Variants in ETS1 observed in about 807,000 individuals in gnomAD.
The protein encoded by ETS1 is ETS proto-oncogene 1, transcription factor, also known as protein C-ets-1.
ETS1 carries 15 observed loss-of-function variants against 58.6 expected under a neutral mutation model. That is an observed-to-expected ratio of 0.26 (90% CI 0.17 to 0.39). ETS1 has a LOEUF of 0.39. ETS1 is among the 10% of genes least tolerant of loss of function. The probability of loss-of-function intolerance (pLI) is 1.00; values close to 1 mark genes in which losing one functional copy is unlikely to be tolerated. For missense variants in ETS1, 417 were observed against 610.5 expected, an observed-to-expected ratio of 0.68 and a Z score of 3.34; for synonymous variants, 214 against 218.2, an observed-to-expected ratio of 0.98 and a Z score of 0.17.
chr11:128,538,654 G>C (rs1210681901), intron 3 of ETS1, among the ~76,000 whole-genome samples: 1 of 151,784 alleles, frequency 6.6e-6, no homozygotes, highest in Non-Finnish European at 1.5e-5. Flanking sequence ...ATTTAAACAG[G>C]GTAATGTATG....
chr11:128,572,262 A>T (rs150594422), intron 2 of ETS1: 2 of 151,544 alleles, frequency 1.3e-5, no homozygotes, highest in South Asian at 4.1e-4. Context: ...GACAGAAAAA[A>T]AAAAAAGAAA....
At chr11:128,525,145 G>A (rs770846690) in intron 3 of ETS1, among the ~76,000 whole-genome samples, 4 of 152,112 alleles carry the variant, frequency 2.6e-5, no homozygotes, top group East Asian at 1.9e-4. Flanking sequence ...CTTAGACTTC[G>A]GCTAATTATA....
At chr11:128,554,289 G>T (rs989727715) in intron 3 of ETS1, among the ~76,000 whole-genome samples, 1 of 152,204 alleles carries the variant, frequency 6.6e-6, no homozygotes, top group African/African-American at 2.4e-5. Context: ...CCCGATGGAA[G>T]CTGTGTACCA....
At chr11:128,489,873 C>T (rs532180253) in intron 4 of ETS1, among the ~76,000 whole-genome samples, 1 of 152,290 alleles carries the variant, frequency 6.6e-6, no homozygotes, top group Admixed American at 6.5e-5. Context: ...ATTGCTCATG[C>T]CTCTCCCTGC....
rs532428167 is a variant in ETS1 at position 128,547,591 on chromosome 11, T to C, written c.214+8700A>G. On this transcript the variant is annotated intron_variant, in intron 3 of 9. Transcript: ENST00000392668. ...CTACTTCAGCAAGTCTCAGGAGGTA[T>C]GGAAAAGACTGATGACACAACTTTG... Among the ~76,000 whole-genome samples, 26 of 152,174 alleles carry C rather than the reference T, an allele frequency of 1.7e-4. No homozygotes were observed. In the South Asian group the frequency reaches 3.5e-3, roughly 21 times the overall value.
At chr11:128,566,713 G>T (rs1310912883) in intron 2 of ETS1, among the ~76,000 whole-genome samples, 1 of 151,940 alleles carries the variant, frequency 6.6e-6, no homozygotes, top group Admixed American at 6.6e-5. Context: ...AATCTGGGGG[G>T]CAGAGCCTGC....
At chr11:128,506,245 C>A (rs1863227436) in intron 3 of ETS1, among the ~76,000 whole-genome samples, 1 of 152,120 alleles carries the variant, frequency 6.6e-6, no homozygotes, top group African/African-American at 2.4e-5. Context: ...AATGCACTGA[C>A]ATGTACACTT....
intron 1 of ETS1, among the ~76,000 whole-genome samples, chr11:128,580,055 A>G (rs1353696388): frequency 4.6e-5 from 7 of 152,032 alleles, no homozygotes; most frequent in African/African-American, 1.5e-4. Flanking sequence ...CATAGTAGCC[A>G]TGCAACAAGT....
At position 128,556,431 on chromosome 11, in the gene ETS1, T is replaced by A. The variant is rs1192042737; in HGVS notation, c.74A>T (p.Gln25Leu). ...YSAPRPAVVR[Q>L]GPSNTYEDPR... is the part of the protein sequence containing the mutation. ...ATCTTCATAAGTGTTGCTAGGTCCTTGCCTCTGTGCAAGAAAAAATAGAAG... is the reference window on the plus strand; with the variant it reads ...ATCTTCATAAGTGTTGCTAGGTCCTAGCCTCTGTGCAAGAAAAAATAGAAG... Residue 25 changes from glutamine to leucine, a missense_variant, in exon 3 of 10, where the codon CAA becomes CTA. Gln to Leu is a moderately radical substitution (Grantham distance 113). This residue lies in a region of ETS1 where 90 missense variants were observed against 90.3 expected (regional missense o/e 1.00). Coordinates refer to ENST00000392668, the MANE Select transcript of ETS1 (RefSeq NM_001143820.2). The A allele has an allele frequency of 6.3e-7, 1 of 1,594,142 alleles. No individual in the cohort carries two copies.
At position 128,489,297 on chromosome 11, in the gene ETS1, C is replaced by T. The variant is rs202110839; in HGVS notation, c.528G>A (p.Leu176=). Residue 176 remains leucine, a synonymous_variant, in exon 5 of 10, where the codon CTG becomes CTA. Coordinates refer to ENST00000392668, the MANE Select transcript of ETS1 (RefSeq NM_001143820.2). ...GDILWEHLEI[L]QKEDVKPYQV... ...CTGTTTCCACATATTTACCTTTCTG[C>T]AGGATCTCTAGATGTTCCCATAAGA... 45 of 1,614,020 alleles carry T rather than the reference C, an allele frequency of 2.8e-5. No homozygotes were observed. In the East Asian group the frequency reaches 8.7e-4, roughly 31 times the overall value.
intron 3 of ETS1, among the ~76,000 whole-genome samples, chr11:128,547,641 GT>G (rs369226551): frequency 0.013 from 1,934 of 146,592 alleles, 33 homozygotes; most frequent in African/African-American, 0.043. Flanking sequence ...TGTTTTTTTG[GT>G]TTTTTTTTTT....
Position 128,460,187 on chromosome 11 carries a change from G to C in ETS1, c.*2174C>G, listed in dbSNP as rs927371030. 1 of 152,538 alleles carries C rather than the reference G, an allele frequency of 6.6e-6. No homozygotes were observed. Among genetic ancestry groups the C allele is most frequent in the Non-Finnish European group, 1.5e-5 (1 of 68,024 alleles). The allele number at this position is 152,538 out of a possible 1,614,324, so 9.4% of individuals were successfully genotyped here. A position where few individuals can be genotyped will look rare whatever the true frequency, so the allele number is the denominator to read the frequency against. The stretch of plus-strand genomic sequence containing the variant: ...GCCCAACAAAAATCACATAATCTAA[G>C]AGAAAACAATGTAGTCCAAACAGTT... On this transcript the variant is annotated 3_prime_UTR_variant, in exon 10 of 10. Coordinates refer to ENST00000392668, the MANE Select transcript of ETS1 (RefSeq NM_001143820.2).
chr11:128,506,764 G>A (rs774352357), intron 3 of ETS1, among the ~76,000 whole-genome samples: 1 of 152,114 alleles, frequency 6.6e-6, no homozygotes, highest in Non-Finnish European at 1.5e-5. Flanking sequence ...GGCTGGGCAC[G>A]GGCCATTTCC....
intron 2 of ETS1, among the ~76,000 whole-genome samples, chr11:128,572,522 C>T (rs1259297330): frequency 6.6e-6 from 1 of 152,166 alleles, no homozygotes; most frequent in East Asian, 1.9e-4. Flanking sequence ...ATAGCTTGGG[C>T]AAGGATCTTC....
chr11:128,524,362 G>T (rs781719143), intron 3 of ETS1, among the ~76,000 whole-genome samples: 1 of 152,182 alleles, frequency 6.6e-6, no homozygotes, highest in Non-Finnish European at 1.5e-5. Flanking sequence ...AAGGAATAGG[G>T]TTGCGTAAAG....
In ETS1 at chr11:128,475,556, C is replaced by CTTTTTTT. The variant is rs35049593; in HGVS notation, c.1123+4628_1123+4634dup. Among the ~76,000 whole-genome samples the CTTTTTTT allele has an allele frequency of 5.5e-5, 6 of 109,400 alleles. 1 individual carries two copies. The highest frequency in any genetic ancestry group is 2.1e-4 in the Admixed American group (2 of 9,484). 71.8% of individuals were successfully genotyped at this position (109,400 alleles called of 152,430 possible). A position where few individuals can be genotyped will look rare whatever the true frequency, so the allele number is the denominator to read the frequency against. Reference sequence around the variant, plus strand: ...AGGACCTAGAGGAGAATGCACAGGGCTTTTTTTTTTTTTTTTTTTGAGACG... The same window carrying CTTTTTTT: ...AGGACCTAGAGGAGAATGCACAGGGCTTTTTTTTTTTTTTTTTTTTTTTTTTGAGACG... On this transcript the variant is annotated intron_variant, in intron 8 of 9. Coordinates refer to ENST00000392668, the MANE Select transcript of ETS1 (RefSeq NM_001143820.2).
At chr11:128,475,494 A>C (rs1380990335) in intron 8 of ETS1, among the ~76,000 whole-genome samples, 1 of 151,788 alleles carries the variant, frequency 6.6e-6, no homozygotes, top group Non-Finnish European at 1.5e-5. Context: ...ATGAAATGAC[A>C]AGAAGAGGAT....
At chr11:128,483,762 T>G (rs2135448366) in intron 7 of ETS1, among the ~76,000 whole-genome samples, 1 of 152,334 alleles carries the variant, frequency 6.6e-6, no homozygotes, top group South Asian at 2.1e-4. Context: ...AAGGTACCAT[T>G]GGGCTCTCCT....
intron 4 of ETS1, 69 bp downstream of exon 4, chr11:128,490,388 C>A: frequency 6.4e-7 from 1 of 1,555,414 alleles, no homozygotes. Context: ...TCACACACTC[C>A]AGGTGAGAAA....
Sources: allele counts gnomAD v4.1 joint callset (sites outside exome capture counted in the v4.1 genomes callset), GRCh38; gene constraint gnomAD v4.1.1; regional missense constraint gnomAD v4.1.1; transcripts MANE v1.5; gene names NCBI Gene and HGNC (gene_info 2026-07-23, HGNC 2026-07-21).